INTS3: variants seen among roughly 807,000 people sequenced by gnomAD.
INTS3 encodes integrator complex subunit 3, also known as SOSS complex subunit A.
INTS3 carries 34 observed loss-of-function variants against 146.3 expected under a neutral mutation model. The observed-to-expected ratio is 0.23, with a 90% CI of 0.18 to 0.31. INTS3 has a LOEUF of 0.31. Among genes scored for constraint, INTS3 ranks in the 10% least tolerant of loss-of-function variants. The probability of loss-of-function intolerance (pLI) is 1.00; values close to 1 mark genes in which losing one functional copy is unlikely to be tolerated. For synonymous variants in INTS3, 475 were observed against 494.9 expected, an observed-to-expected ratio of 0.96 and a Z score of 0.53; for missense variants, 757 against 1,304.2, an observed-to-expected ratio of 0.58 and a Z score of 6.46.
In INTS3 at chr1:153,754,690, G is replaced by A; in HGVS notation, c.908G>A (p.Cys303Tyr). The change falls in exon 9 of 30, where the codon TGT (cysteine) becomes TAT (tyrosine). Residue 303 changes from cysteine (C) to tyrosine (Y), a missense_variant. By Grantham distance (194) the Cys-to-Tyr change is radical. Transcript: ENST00000318967. Reference protein sequence around the residue: ...QSRTSRKFLACRLTPDMETKL... With the variant: ...QSRTSRKFLAYRLTPDMETKL... The stretch of plus-strand genomic sequence containing the variant: ...AGAACATCCCGAAAATTCCTAGCAT[G>A]TCGTCTAACCCCGGACATGGAGACT... The A allele has an allele frequency of 6.2e-7, 1 of 1,613,750 alleles. No individual in the cohort carries two copies.
At position 153,752,312 on chromosome 1, in the gene INTS3, G is replaced by A. The variant is rs776640016; in HGVS notation, c.763G>A (p.Val255Ile). The A allele has an allele frequency of 5.6e-6, 9 of 1,613,198 alleles. No homozygotes were observed. The highest frequency in any genetic ancestry group is 4.5e-5 in the East Asian group (2 of 44,872). ...ATGTCTGATGATTGGTCGGGATCTC[G>A]TAAGACTACTTCAGAATGTTGCTAG... ...MECLMIGRDL[V>I]RLLQNVARIP... is the part of the protein sequence containing the mutation. Residue 255 changes from valine (V) to isoleucine (I), a missense_variant, in exon 8 of 30, where the codon GTA becomes ATA. Val to Ile is a conservative substitution (Grantham distance 29). Around this residue, in one of 8 missense-constraint regions of INTS3, gnomAD observed 134 missense variants for 243.1 expected, o/e 0.55. Coordinates refer to ENST00000318967, the MANE Select transcript of INTS3 (RefSeq NM_023015.5).
intron 1 of INTS3, among the ~76,000 whole-genome samples, chr1:153,735,483 G>C (rs1001967833): frequency 6.6e-6 from 1 of 152,138 alleles, no homozygotes; most frequent in African/African-American, 2.4e-5. Flanking sequence ...TTATTAGCTA[G>C]CTGCTGTTTG....
At chr1:153,750,791 G>C (rs530418045) in intron 6 of INTS3, 1 of 397,936 alleles carries the variant, frequency 2.5e-6, no homozygotes, top group Non-Finnish European at 4.5e-6. Context: ...GAATGAATGA[G>C]TCAACAAAGA....
In INTS3 at chr1:153,728,705, G is replaced by T. The variant is rs368389694; in HGVS notation, c.71G>T (p.Gly24Val). The T allele has an allele frequency of 1.9e-6, 3 of 1,608,012 alleles. No individual in the cohort carries two copies. The highest frequency in any genetic ancestry group is 2.5e-6 in the Non-Finnish European group (3 of 1,177,502). The change falls in exon 1 of 30, where the codon GGA becomes GTA. Residue 24 changes from glycine (G) to valine (V), a missense_variant. Physicochemically the swap from Gly to Val is moderately radical, Grantham distance 109. This residue lies in a region of INTS3 where 160 missense variants were observed against 193.7 expected (regional missense o/e 0.83). Coordinates refer to ENST00000318967, the MANE Select transcript of INTS3 (RefSeq NM_023015.5). ...TCGGGAGCAGCGGGAGGTGGAGGAG[G>T]AGGAGCGGGAGCAGGAGCCCCAGGA... ...AASGAAGGGGGGAGAGAPGGG... is the reference protein window; with the variant it reads ...AASGAAGGGGVGAGAGAPGGG...
Position 153,751,195 on chromosome 1 carries a change from C to T in INTS3, c.685C>T (p.Arg229Ter). The T allele has an allele frequency of 1.2e-6, 2 of 1,614,080 alleles. No homozygotes were observed. The highest frequency in any genetic ancestry group is 2.2e-5 in the East Asian group (1 of 44,876). ...HHGTAQLQAL[R>*]QKEVDFCISL... ...TGGGACTGCCCAGCTCCAGGCCCTG[C>T]GACAGAAGGAAGTAGACTTCTGCAT... The change falls in exon 7 of 30, where the codon CGA becomes TGA. Residue 229 changes from arginine (R) to a stop codon, truncating the protein, a stop_gained. Coordinates refer to ENST00000318967, the MANE Select transcript of INTS3 (RefSeq NM_023015.5). LOFTEE classifies it high-confidence loss of function.
intron 14 of INTS3, 38 bp from the exon 15 acceptor site, chr1:153,762,690 G>A: frequency 6.2e-7 from 1 of 1,612,820 alleles, no homozygotes; most frequent in African/African-American, 1.3e-5. Context: ...AGAGGACCCA[G>A]GAGGCCATTA....
chr1:153,741,086 G>T (rs1335409581), intron 2 of INTS3, among the ~76,000 whole-genome samples, 199 bp from the exon 3 acceptor site: 1 of 152,110 alleles, frequency 6.6e-6, no homozygotes, highest in African/African-American at 2.4e-5. Flanking sequence ...GACTACAGGT[G>T]TGCACCACCA....
chr1:153,761,042 C>T (rs1239455764), intron 13 of INTS3, 124 bp downstream of exon 13: 1 of 1,496,028 alleles, frequency 6.7e-7, no homozygotes, highest in Non-Finnish European at 8.9e-7. Flanking sequence ...TTGGCTCTAC[C>T]TCAGACTGCT....
intron 29 of INTS3, 21 bp from the exon 30 acceptor site, chr1:153,773,172 T>G: frequency 2.5e-6 from 4 of 1,613,866 alleles, no homozygotes; most frequent in Non-Finnish European, 3.4e-6. Flanking sequence ...AACTTCCCAT[T>G]TCCCCTCCCA....
intron 25 of INTS3, 41 bp downstream of exon 25, chr1:153,770,774 C>G: frequency 6.6e-7 from 1 of 1,510,194 alleles, no homozygotes; most frequent in Non-Finnish European, 9.2e-7. Context: ...TCAATTTTAA[C>G]ATCCCAAGAG....
At chr1:153,753,570 A>G (rs1414620679) in intron 8 of INTS3, 1 of 151,804 alleles carries the variant, frequency 6.6e-6, no homozygotes, top group Non-Finnish European at 1.5e-5. Context: ...AAAAGAAAAG[A>G]AAAGAAAAGA....
chr1:153,741,467 C>A, intron 3 of INTS3, 99 bp downstream of exon 3: 1 of 882,590 alleles, frequency 1.1e-6, no homozygotes, highest in Admixed American at 1.8e-5. Context: ...ACTCTTCGAC[C>A]AGAGCTGGAT....
chr1:153,767,327 G>A (rs539112878), intron 20 of INTS3: 1 of 231,840 alleles, frequency 4.3e-6, no homozygotes, highest in East Asian at 8.5e-5. Context: ...GCTGTGAGGT[G>A]TCACTGCCCT....
rs200825280 is a variant in INTS3 at position 153,744,038 on chromosome 1, C to CGTGTGTGT, written c.318+2707_318+2714dup. ...TTTCCTCACTGAGGGTGTGCATGTG[C>CGTGTGTGT]GTGTGTGTGTGTGTGTGTGTGTGTG... On this transcript the variant is annotated intron_variant, in intron 3 of 29. Coordinates refer to ENST00000318967, the MANE Select transcript of INTS3 (RefSeq NM_023015.5). Among the ~76,000 whole-genome samples the CGTGTGTGT allele has an allele frequency of 2.4e-3, 339 of 142,334 alleles. 2 individuals carry two copies. Among genetic ancestry groups the CGTGTGTGT allele is most frequent in the African/African-American group, 7.6e-3 (291 of 38,180 alleles). 93.4% of individuals were successfully genotyped at this position (142,334 alleles called of 152,430 possible).
chr1:153,748,048 A>G, intron 5 of INTS3: 1 of 156,674 alleles, frequency 6.4e-6, no homozygotes, highest in South Asian at 1.9e-4. Context: ...TCTATGTGAT[A>G]TGTGACTTTG....
At chr1:153,731,839 C>T (rs1439495054) in intron 1 of INTS3, among the ~76,000 whole-genome samples, 2 of 151,132 alleles carry the variant, frequency 1.3e-5, no homozygotes, top group African/African-American at 2.4e-5. Flanking sequence ...CCCACCTCGG[C>T]CTCCCAAAGT....
At chr1:153,731,502 C>T (rs1228015979) in intron 1 of INTS3, among the ~76,000 whole-genome samples, 1 of 151,726 alleles carries the variant, frequency 6.6e-6, no homozygotes, top group East Asian at 1.9e-4. Flanking sequence ...GCCTTGGTAG[C>T]TCCTGGTTTT....
chr1:153,736,318 T>C (rs1671282170), intron 1 of INTS3, among the ~76,000 whole-genome samples: 1 of 152,222 alleles, frequency 6.6e-6, no homozygotes, highest in Non-Finnish European at 1.5e-5. Flanking sequence ...TGAAGTTTTA[T>C]AGCTATGGGA....
chr1:153,771,776 G>C lies in INTS3; in HGVS notation c.2553-20G>C. 1 of 1,603,012 alleles carries C rather than the reference G, an allele frequency of 6.2e-7. No homozygotes were observed. Among genetic ancestry groups the C allele is most frequent in the Non-Finnish European group, 8.5e-7 (1 of 1,173,470 alleles). ...GCGGCCACTGTGCAAGCAGCACCCA[G>C]TGCCCCCTTCCTCCCCCAGGCCCAG... is the stretch of plus-strand genomic sequence containing the variant. On this transcript the variant is annotated intron_variant, in intron 25 of 29. Transcript: ENST00000318967.
Sources: allele counts gnomAD v4.1 joint callset (sites outside exome capture counted in the v4.1 genomes callset), GRCh38; gene constraint gnomAD v4.1.1; regional missense constraint gnomAD v4.1.1; transcripts MANE v1.5; gene names NCBI Gene and HGNC (gene_info 2026-07-23, HGNC 2026-07-21).